Variants in SNAP91 observed in about 807,000 individuals in gnomAD.
SNAP91 encodes clathrin coat assembly protein AP180.
Under a neutral mutation model 100.3 loss-of-function variants are expected in SNAP91, and 27 were observed. The ratio of observed to expected loss-of-function variants is 0.27; its 90% CI spans 0.20 to 0.37. SNAP91 has a LOEUF of 0.37. SNAP91 is among the 10% of genes least tolerant of loss of function. The pLI, the probability that SNAP91 is intolerant of heterozygous loss-of-function variation, is 1.00. For missense variants in SNAP91, 986 were observed against 1,123.7 expected (o/e 0.88, Z 1.75); for synonymous variants, 404 against 398.6 (o/e 1.01, Z -0.16).
intron 7 of SNAP91, among the ~76,000 whole-genome samples, chr6:83,648,693 T>C (rs2098067670): frequency 1.3e-5 from 2 of 152,184 alleles, no homozygotes; most frequent in African/African-American, 4.8e-5. Context: ...GTGATTTTAG[T>C]TTACATTTCC....
intron 7 of SNAP91, among the ~76,000 whole-genome samples, chr6:83,651,729 G>C (rs1364174499): frequency 6.6e-6 from 1 of 152,086 alleles, no homozygotes; most frequent in Non-Finnish European, 1.5e-5. Flanking sequence ...TTTAGGTCAA[G>C]TAGTCTATAT....
Position 83,659,100 on chromosome 6 carries a change from TAAAAA to T in SNAP91, c.453-13_453-9del. 3 of 1,424,860 alleles carry T rather than the reference TAAAAA, an allele frequency of 2.1e-6. No individual in the cohort carries two copies. Among genetic ancestry groups the T allele is most frequent in the Non-Finnish European group, 1.9e-6 (2 of 1,060,532 alleles). The allele number at this position is 1,424,860 out of a possible 1,614,324, so 88.3% of individuals were successfully genotyped here. On this transcript the variant is annotated splice_polypyrimidine_tract_variant and intron_variant, in intron 5 of 29. Coordinates refer to ENST00000369694, the MANE Select transcript of SNAP91 (RefSeq NM_001242792.2). ...CTCATTACACCATCGGCCCTACAATTAAAAAAAAAAAAAAGGTACAATTTCATTGG... is the reference window on the plus strand; with the variant it reads ...CTCATTACACCATCGGCCCTACAATTAAAAAAAAAGGTACAATTTCATTGG...
intron 2 of SNAP91, among the ~76,000 whole-genome samples, chr6:83,702,386 G>A (rs2099325392): frequency 6.6e-6 from 1 of 152,046 alleles, no homozygotes; most frequent in Non-Finnish European, 1.5e-5. Context: ...GAGGAGGTAA[G>A]GTATTAAAGG....
intron 2 of SNAP91, among the ~76,000 whole-genome samples, chr6:83,702,052 C>T (rs2099319692): frequency 6.6e-6 from 1 of 152,028 alleles, no homozygotes; most frequent in Admixed American, 6.6e-5. Context: ...TACATAAATG[C>T]CTAAGAAAAA....
chr6:83,629,602 A>AT (rs1027309401), intron 8 of SNAP91, among the ~76,000 whole-genome samples: 2 of 151,590 alleles, frequency 1.3e-5, no homozygotes, highest in Non-Finnish European at 2.9e-5. Context: ...TAAGTATTTT[A>AT]TTTTTTTGCA....
intron 2 of SNAP91, among the ~76,000 whole-genome samples, chr6:83,668,312 C>G (rs1415226083): frequency 6.6e-6 from 1 of 152,162 alleles, no homozygotes; most frequent in Non-Finnish European, 1.5e-5. Flanking sequence ...CCATTTGACC[C>G]AGCCATCCCA....
At chr6:83,573,533 A>G (rs544776943) in intron 26 of SNAP91, among the ~76,000 whole-genome samples, 26 of 152,210 alleles carry the variant, frequency 1.7e-4, no homozygotes, top group African/African-American at 6.3e-4. Flanking sequence ...GAGGCATCAC[A>G]CTACCTAACT....
At position 83,572,950 on chromosome 6, in the gene SNAP91, G is replaced by A. The variant is rs1485537875; in HGVS notation, c.2442+2060C>T. ...TTTACTCTCTCTCCTCCTTCCCACAGCAAAATAGAGGCTATCAAATGTTTC... is the reference window on the plus strand; with the variant it reads ...TTTACTCTCTCTCCTCCTTCCCACAACAAAATAGAGGCTATCAAATGTTTC... On this transcript the variant is annotated intron_variant, in intron 26 of 29. Coordinates refer to ENST00000369694, the MANE Select transcript of SNAP91 (RefSeq NM_001242792.2). Among the ~76,000 whole-genome samples, 12 of 152,264 alleles carry A rather than the reference G, an allele frequency of 7.9e-5. No individual in the cohort carries two copies. In the East Asian group the frequency reaches 1.3e-3, roughly 17 times the overall value.
At chr6:83,602,155 A>G (rs1003837546) in intron 14 of SNAP91, among the ~76,000 whole-genome samples, 4 of 152,208 alleles carry the variant, frequency 2.6e-5, no homozygotes, top group Non-Finnish European at 4.4e-5. Context: ...GCCAAAGATG[A>G]GGATTTAAAA....
chr6:83,564,091 T>C (rs1406087096), intron 26 of SNAP91, among the ~76,000 whole-genome samples: 1 of 152,104 alleles, frequency 6.6e-6, no homozygotes, highest in Non-Finnish European at 1.5e-5. Flanking sequence ...CACTTCCTGG[T>C]TTCAAAACTT....
chr6:83,588,422 T>C (rs367606765), intron 22 of SNAP91, among the ~76,000 whole-genome samples: 2 of 152,230 alleles, frequency 1.3e-5, no homozygotes, highest in Non-Finnish European at 2.9e-5. Context: ...GGTACTTTCA[T>C]TGATGATTTT....
chr6:83,708,523 TCG>T (rs2099412650), intron 1 of SNAP91: 1 of 152,394 alleles, frequency 6.6e-6, no homozygotes, highest in Non-Finnish European at 1.5e-5. Flanking sequence ...TGTTATGCCC[TCG>T]CCTCCCCTTC....
intron 12 of SNAP91, 125 bp from the exon 13 acceptor site, chr6:83,607,933 GA>G (rs992521765): frequency 3.6e-5 from 15 of 411,226 alleles, no homozygotes; most frequent in Admixed American, 8.9e-5. Flanking sequence ...CTTTGTGGAG[GA>G]AAAAAAAACT....
chr6:83,636,871 T>C (rs1201339118), intron 8 of SNAP91, among the ~76,000 whole-genome samples: 1 of 152,202 alleles, frequency 6.6e-6, no homozygotes, highest in Admixed American at 6.5e-5. Context: ...AAGGGTTGAC[T>C]GTGGTGAATG....
rs374139901 is a variant in SNAP91, at chr6:83,593,143, A to G, written c.1774+39T>C. Reference sequence around the variant, plus strand: ...AAGAGCTTAATCAGGAAAACATCTAAGAAACTAAAGTGAAAAAAAAGGGTT... The same window carrying G: ...AAGAGCTTAATCAGGAAAACATCTAGGAAACTAAAGTGAAAAAAAAGGGTT... On this transcript the variant is annotated intron_variant, in intron 19 of 29. Coordinates refer to ENST00000369694, the MANE Select transcript of SNAP91 (RefSeq NM_001242792.2). The G allele has an allele frequency of 3.1e-4, 476 of 1,548,152 alleles. 1 individual carries two copies. Among genetic ancestry groups the G allele is most frequent in the Non-Finnish European group, 3.9e-4 (448 of 1,142,348 alleles).
At chr6:83,554,887 A>C (rs994759111) in intron 29 of SNAP91, among the ~76,000 whole-genome samples, 1 of 152,112 alleles carries the variant, frequency 6.6e-6, no homozygotes, top group Admixed American at 6.6e-5. Context: ...TTCATAAAAT[A>C]GTAATTCTCT....
intron 26 of SNAP91, among the ~76,000 whole-genome samples, chr6:83,570,352 A>T (rs1448578559): frequency 6.6e-6 from 1 of 152,292 alleles, no homozygotes; most frequent in Admixed American, 6.5e-5. Flanking sequence ...AGAGCATAAA[A>T]GTTTGGAAAA....
intron 7 of SNAP91, among the ~76,000 whole-genome samples, chr6:83,646,719 T>A (rs1214836988): frequency 1.3e-5 from 2 of 152,196 alleles, no homozygotes; most frequent in African/African-American, 4.8e-5. Flanking sequence ...TTTGTCAATA[T>A]CCACAGTTAC....
intron 16 of SNAP91, among the ~76,000 whole-genome samples, chr6:83,598,774 C>A (rs1055529550): frequency 1.3e-5 from 2 of 152,054 alleles, no homozygotes; most frequent in African/African-American, 4.8e-5. Flanking sequence ...AAAATTAAAT[C>A]TCTGAATAAT....
Sources: gnomAD v4.1 joint callset for allele counts (sites outside exome capture counted in the v4.1 genomes callset) on GRCh38, gnomAD v4.1.1 for gene constraint, MANE v1.5 for transcripts, NCBI Gene and HGNC (gene_info 2026-07-23, HGNC 2026-07-21) for gene names.